COL26A1: variants seen among roughly 807,000 people sequenced by gnomAD.
The protein encoded by COL26A1 is collagen type XXVI alpha 1 chain, also known as collagen alpha-1(XXVI) chain.
In COL26A1, 41 loss-of-function variants were observed where a neutral mutation model predicts 59.3. The observed-to-expected ratio is 0.69, with a 90% confidence interval of 0.54 to 0.90. The LOEUF is 0.90. Among genes scored for constraint, COL26A1 ranks in the 40% least tolerant of loss-of-function variants. COL26A1 has a pLI of 0.00. For missense variants in COL26A1, 612 were observed against 602.3 expected (o/e 1.02, Z -0.17); for synonymous variants, 266 against 256.0 (o/e 1.04, Z -0.37).
intron 3 of COL26A1, among the ~76,000 whole-genome samples, chr7:101,491,235 C>G (rs886452881): frequency 4.6e-5 from 7 of 152,012 alleles, no homozygotes; most frequent in African/African-American, 1.7e-4. Context: ...TTGTGTATTG[C>G]CTCCCAACTC....
At chr7:101,429,033 A>C (rs1792714079) in intron 2 of COL26A1, among the ~76,000 whole-genome samples, 1 of 149,124 alleles carries the variant, frequency 6.7e-6, no homozygotes, top group Non-Finnish European at 1.5e-5. Context: ...AAGCAGTTCT[A>C]CTGCCTCAGC....
At chr7:101,387,886 CA>C (rs1186547510) in intron 1 of COL26A1, among the ~76,000 whole-genome samples, 1 of 150,210 alleles carries the variant, frequency 6.7e-6, no homozygotes. Context: ...TCTCATACCT[CA>C]GCCTCTCGAG....
At position 101,540,069 on chromosome 7, in the gene COL26A1, A is replaced by G; in HGVS notation, c.604+20A>G. The G allele has an allele frequency of 1.2e-6, 2 of 1,604,622 alleles. No homozygotes were observed. The highest frequency in any genetic ancestry group is 8.5e-7 in the Non-Finnish European group (1 of 1,176,180). The stretch of plus-strand genomic sequence containing the variant: ...CAGCCGGTGAGTGAGGGCTGCAGAG[A>G]GGACAGGCTGGGGCAGCCGAAGGGA... On this transcript the variant is annotated intron_variant, in intron 5 of 12. Transcript: ENST00000313669.
rs1470921155 is a variant in COL26A1, at chr7:101,363,178, A to G, written c.146A>G (p.Tyr49Cys). The G allele has an allele frequency of 2.4e-6, 3 of 1,275,994 alleles. No homozygotes were observed. The highest frequency in any genetic ancestry group is 2.4e-5 in the Admixed American group (1 of 40,878). The allele number at this position is 1,275,994 out of a possible 1,614,324, so 79.0% of individuals were successfully genotyped here. ...EPGAGSPGSG[Y>C]ASRRHWCHHT... ...GGCGCCGGCTCCCCTGGCAGCGGCT[A>G]CGCGAGCCGCCGGTGAGTAGCTCGG... The change falls in exon 1 of 13, where the codon TAC becomes TGC. Residue 49 changes from tyrosine (Y) to cysteine (C), a missense_variant. Transcript: ENST00000313669.
chr7:101,445,087 C>T (rs1252646664), intron 2 of COL26A1, among the ~76,000 whole-genome samples: 2 of 151,682 alleles, frequency 1.3e-5, no homozygotes, highest in African/African-American at 4.8e-5. Flanking sequence ...ATGATTCACC[C>T]ACCTCGGCCT....
intron 1 of COL26A1, among the ~76,000 whole-genome samples, chr7:101,379,029 T>G (rs746377074): frequency 1.3e-5 from 2 of 152,112 alleles, no homozygotes; most frequent in Non-Finnish European, 1.5e-5. Flanking sequence ...GGTAGCAGTT[T>G]CCTTCTGATT....
chr7:101,447,735 G>A lies in COL26A1; in HGVS notation c.333G>A (p.Thr111=), dbSNP rs1018158350. ...PTYRVSYRTV[T]VLEWRCCPGF... is the part of the protein sequence containing the mutation. ...ACAGAGTGTCCTACCGCACGGTGAC[G>A]GTGCTGGAGTGGAGATGCTGCCCTG... Residue 111 remains threonine (T), a synonymous_variant, in exon 3 of 13, where the codon ACG becomes ACA. Coordinates refer to ENST00000313669, the MANE Select transcript of COL26A1 (RefSeq NM_001278563.3). The A allele has an allele frequency of 3.5e-5, 56 of 1,607,032 alleles. No homozygotes were observed. Among genetic ancestry groups the A allele is most frequent in the East Asian group, 6.7e-5 (3 of 44,648 alleles).
chr7:101,538,606 C>T (rs1370136711), intron 4 of COL26A1, among the ~76,000 whole-genome samples: 1 of 152,214 alleles, frequency 6.6e-6, no homozygotes, highest in Admixed American at 6.5e-5. Context: ...GCATCCAGGC[C>T]ATCGGAGGAC....
At chr7:101,543,626 C>G (rs1795664733) in intron 5 of COL26A1, among the ~76,000 whole-genome samples, 2 of 152,146 alleles carry the variant, frequency 1.3e-5, no homozygotes, top group Admixed American at 1.3e-4. Flanking sequence ...CACTTTGCCA[C>G]AAGCCCGGTT....
chr7:101,375,196 C>A (rs991269264), intron 1 of COL26A1, among the ~76,000 whole-genome samples: 1 of 152,166 alleles, frequency 6.6e-6, no homozygotes, highest in African/African-American at 2.4e-5. Context: ...ATGCCTCAGT[C>A]ACCTCATCTA....
chr7:101,471,926 G>T (rs1273309431), intron 3 of COL26A1, among the ~76,000 whole-genome samples: 1 of 150,450 alleles, frequency 6.6e-6, no homozygotes, highest in Non-Finnish European at 1.5e-5. Flanking sequence ...TGATCAGGTT[G>T]TGACAGGCAA....
In COL26A1 at chr7:101,557,613, C is replaced by G; in HGVS notation, c.*83C>G. ...GCCGCCGCTGTTTCCTAAAGATGCC[C>G]CCAGGGGAACTGGGCTCCAGGCATG... On this transcript the variant is annotated 3_prime_UTR_variant, in exon 13 of 13. Transcript: ENST00000313669. 7.2e-7 allele frequency: 1 copy of G among 1,380,744 alleles called. No homozygotes were observed. The highest frequency in any genetic ancestry group is 9.8e-7 in the Non-Finnish European group (1 of 1,021,962). The allele number at this position is 1,380,744 out of a possible 1,614,324, so 85.5% of individuals were successfully genotyped here.
At chr7:101,393,243 G>A (rs1428083226) in intron 1 of COL26A1, among the ~76,000 whole-genome samples, 2 of 152,058 alleles carry the variant, frequency 1.3e-5, no homozygotes, top group African/African-American at 4.8e-5. Context: ...TAGGATATAT[G>A]TATATGGGAG....
intron 2 of COL26A1, among the ~76,000 whole-genome samples, chr7:101,423,734 C>CAA (rs976733566): frequency 6.8e-6 from 1 of 146,392 alleles, no homozygotes; most frequent in African/African-American, 2.5e-5. Flanking sequence ...GACTCCGTCG[C>CAA]AAAAAAAAAG....
intron 3 of COL26A1, among the ~76,000 whole-genome samples, chr7:101,466,120 G>A (rs1361766086): frequency 6.6e-6 from 1 of 152,006 alleles, no homozygotes; most frequent in African/African-American, 2.4e-5. Flanking sequence ...TCACCTGCTT[G>A]GAGAGTGGAA....
At chr7:101,454,268 C>CTTTTTTTTTTTTTTTTTTT (rs58969139) in intron 3 of COL26A1, among the ~76,000 whole-genome samples, 3 of 137,348 alleles carry the variant, frequency 2.2e-5, no homozygotes, top group African/African-American at 2.7e-5. Context: ...TCTTTTCTTT[C>CTTTTTTTTTTTTTTTTTTT]TTTTTTTTTT....
chr7:101,516,049 T>C (rs1795021784), intron 3 of COL26A1, among the ~76,000 whole-genome samples: 1 of 152,186 alleles, frequency 6.6e-6, no homozygotes, highest in Non-Finnish European at 1.5e-5. Flanking sequence ...TGTAAATAAC[T>C]GAGGGGGAAG....
chr7:101,555,708 A>C, intron 11 of COL26A1, 79 bp from the exon 12 acceptor site: 14 of 1,067,664 alleles, frequency 1.3e-5, no homozygotes, highest in Non-Finnish European at 1.9e-5. Flanking sequence ...TTGAGGACAC[A>C]TACACTGTCA....
intron 2 of COL26A1, among the ~76,000 whole-genome samples, chr7:101,422,577 C>T (rs192518016): frequency 1.3e-3 from 191 of 152,196 alleles, no homozygotes; most frequent in African/African-American, 4.4e-3. Flanking sequence ...TCTGATCTGT[C>T]TGTGACCCTG....
Sources: allele counts gnomAD v4.1 joint callset (sites outside exome capture counted in the v4.1 genomes callset), GRCh38; gene constraint gnomAD v4.1.1; transcripts MANE v1.5; gene names NCBI Gene and HGNC (gene_info 2026-07-23, HGNC 2026-07-21).